Variants in ATP1B4 observed in about 807,000 individuals in gnomAD.
The protein encoded by ATP1B4 is ATPase Na+/K+ transporting family member beta 4, also known as protein ATP1B4.
In ATP1B4, 32 loss-of-function variants were observed where a neutral mutation model predicts 29.6. The observed-to-expected ratio is 1.08, with a 90% CI of 0.82 to 1.45. The LOEUF is 1.45. ATP1B4 is among the 40% of genes most tolerant of loss of function. ATP1B4 has a pLI of 0.00. For synonymous variants in ATP1B4, 127 were observed against 102.1 expected (o/e 1.24, Z -1.47); for missense variants, 323 against 276.2 (o/e 1.17, Z -1.20).
Position 120,381,115 on chromosome X carries a change from A to G in ATP1B4, c.*1481A>G, listed in dbSNP as rs1474424248. ...CAAGCAAGTGGAGAAGTTATACGAT[A>G]TAGTTTAATGAGAGTTAAAAAACTA... On this transcript the variant is annotated 3_prime_UTR_variant, in exon 8 of 8. Transcript: ENST00000218008. The G allele has an allele frequency of 8.9e-6, 1 of 112,609 alleles. No individual in the cohort carries two copies. Among genetic ancestry groups the G allele is most frequent in the African/African-American group, 3.2e-5 (1 of 30,943 alleles). The allele number at this position is 112,609 out of a possible 1,213,427, so 9.3% of individuals were successfully genotyped here.
chrX:120,379,642 A>G lies in ATP1B4; in HGVS notation c.*8A>G, dbSNP rs1298854572. 1 of 1,199,473 alleles carries G rather than the reference A, an allele frequency of 8.3e-7. No individual in the cohort carries two copies. Among genetic ancestry groups the G allele is most frequent in the Admixed American group, 2.3e-5 (1 of 44,418 alleles). On this transcript the variant is annotated 3_prime_UTR_variant, in exon 8 of 8. Coordinates refer to ENST00000218008, the MANE Select transcript of ATP1B4 (RefSeq NM_001142447.3). ...CTGAACATAGAAACTTAAGAACTTC[A>G]GGGGGCCATTCTTACCAGTTCTGTT...
chrX:120,364,014 G>C (rs1464551709), intron 1 of ATP1B4, among the ~76,000 whole-genome samples: 2 of 111,240 alleles, frequency 1.8e-5, no homozygotes, highest in African/African-American at 6.5e-5. Context: ...CTAAAGTAAA[G>C]CTCAGGAACC....
chrX:120,373,697 T>A (rs1438231091), intron 4 of ATP1B4, among the ~76,000 whole-genome samples: 1 of 112,314 alleles, frequency 8.9e-6, no homozygotes, highest in East Asian at 2.8e-4. Context: ...TATGTATCCT[T>A]GGACACATGT....
Position 120,375,571 on chromosome X carries a change from A to G in ATP1B4, c.759+3A>G. 1.7e-6 allele frequency: 2 copies of G among 1,199,661 alleles called. No homozygotes were observed. Among genetic ancestry groups the G allele is most frequent in the Non-Finnish European group, 2.3e-6 (2 of 888,746 alleles). ...GCATCCTTCTAAAGATGAACCGGGT[A>G]TATTGGCTTTTCATATCTGGTGGTG... On this transcript the variant is annotated splice_donor_region_variant and intron_variant, in intron 5 of 7. Transcript: ENST00000218008.
Position 120,379,174 on chromosome X carries a change from A to C in ATP1B4, c.913-299A>C, listed in dbSNP as rs777209677. ...AGTCCCCAACACAGGGACTCGATAGACACTAGTTTTGGTTTAATTCATGGT... is the reference window on the plus strand; with the variant it reads ...AGTCCCCAACACAGGGACTCGATAGCCACTAGTTTTGGTTTAATTCATGGT... On this transcript the variant is annotated intron_variant, in intron 7 of 7. Coordinates refer to ENST00000218008, the MANE Select transcript of ATP1B4 (RefSeq NM_001142447.3). Among the ~76,000 whole-genome samples the C allele has an allele frequency of 2.7e-5, 3 of 111,400 alleles. No homozygotes were observed. The South Asian group carries it at 1.1e-3, about 43-fold the overall frequency.
intron 3 of ATP1B4, 43 bp from the exon 4 acceptor site, chrX:120,371,063 C>T (rs2058310709): frequency 1.8e-6 from 2 of 1,130,679 alleles, no homozygotes; most frequent in South Asian, 1.8e-5. Context: ...AAAAATTATC[C>T]CAAGAATGGG....
chrX:120,370,172 T>C (rs1364864114), intron 2 of ATP1B4, among the ~76,000 whole-genome samples: 2 of 111,937 alleles, frequency 1.8e-5, no homozygotes, highest in Non-Finnish European at 3.8e-5. Flanking sequence ...TCATCTTTGC[T>C]AAAGATGAAT....
intron 4 of ATP1B4, among the ~76,000 whole-genome samples, chrX:120,374,725 A>ATATAT (rs1289168723): frequency 1.4e-5 from 1 of 70,478 alleles, no homozygotes; most frequent in South Asian, 5.9e-4. Context: ...TATATAATAT[A>ATATAT]TATATTATAT....
intron 1 of ATP1B4, among the ~76,000 whole-genome samples, chrX:120,365,300 G>A (rs927545957): frequency 8.9e-6 from 1 of 112,235 alleles, no homozygotes; most frequent in African/African-American, 3.2e-5. Flanking sequence ...ATTCAAGAGG[G>A]CTTATAATCA....
At chrX:120,378,060 T>C (rs1031523676) in intron 6 of ATP1B4, among the ~76,000 whole-genome samples, 7 of 110,876 alleles carry the variant, frequency 6.3e-5, no homozygotes, top group African/African-American at 2.3e-4. Flanking sequence ...ACCCAGGCTC[T>C]TGTTGCTTAC....
At chrX:120,362,486 A>G (rs758869738) in intron 1 of ATP1B4, among the ~76,000 whole-genome samples, 2 of 112,005 alleles carry the variant, frequency 1.8e-5, no homozygotes, top group South Asian at 7.5e-4. Flanking sequence ...ATAACAGAGA[A>G]TAAGTGGCTT....
intron 2 of ATP1B4, 123 bp from the exon 3 acceptor site, chrX:120,370,592 T>C (rs1351184212): frequency 1.1e-6 from 1 of 890,314 alleles, no homozygotes; most frequent in Non-Finnish European, 1.6e-6. Context: ...AAGGACATAC[T>C]GAATCTGAGG....
chrX:120,367,452 C>T (rs1255099965), intron 2 of ATP1B4, among the ~76,000 whole-genome samples: 1 of 111,696 alleles, frequency 9.0e-6, no homozygotes, highest in East Asian at 2.8e-4. Context: ...CTCTTTGCAT[C>T]ACATGCTGCC....
intron 7 of ATP1B4, 85 bp from the exon 8 acceptor site, chrX:120,379,388 A>T: frequency 5.5e-6 from 5 of 915,043 alleles, no homozygotes; most frequent in Non-Finnish European, 7.6e-6. Context: ...TCTCTTTGTG[A>T]GGGTTGTCAT....
chrX:120,379,250 G>A (rs1446258539), intron 7 of ATP1B4, among the ~76,000 whole-genome samples: 2 of 111,839 alleles, frequency 1.8e-5, no homozygotes, highest in Non-Finnish European at 3.8e-5. Flanking sequence ...GTTTTTCCCA[G>A]AGGACAATCA....
At chrX:120,375,945 T>TA (rs971826981) in intron 5 of ATP1B4, among the ~76,000 whole-genome samples, 1 of 111,441 alleles carries the variant, frequency 9.0e-6, no homozygotes, top group Admixed American at 9.6e-5. Flanking sequence ...TTTAATTTTT[T>TA]AAAAAAGTAT....
At chrX:120,365,318 G>T (rs1194188922) in intron 1 of ATP1B4, among the ~76,000 whole-genome samples, 1 of 112,480 alleles carries the variant, frequency 8.9e-6, no homozygotes, top group Non-Finnish European at 1.9e-5. Context: ...TCAAGAGCTA[G>T]ATAGTGCTGT....
Position 120,371,214 on chromosome X carries a change from A to C in ATP1B4, c.562+4A>C. ...AGCCTAAATGGCTTTCTCCAGGGTA[A>C]GTAAGTTCGTCTGAATAGTGGAAAG... On this transcript the variant is annotated splice_donor_region_variant and intron_variant, in intron 4 of 7. Transcript: ENST00000218008. 2 of 1,186,129 alleles carry C rather than the reference A, an allele frequency of 1.7e-6. No individual in the cohort carries two copies. Among genetic ancestry groups the C allele is most frequent in the Non-Finnish European group, 2.3e-6 (2 of 872,307 alleles).
intron 7 of ATP1B4, 147 bp downstream of exon 7, chrX:120,378,920 C>T (rs1231015908): frequency 2.3e-5 from 11 of 468,723 alleles, no homozygotes; most frequent in Non-Finnish European, 4.0e-5. Flanking sequence ...TTTACCAATT[C>T]TTATCACAAC....
Sources: allele counts gnomAD v4.1 joint callset (sites outside exome capture counted in the v4.1 genomes callset), GRCh38; gene constraint gnomAD v4.1.1; transcripts MANE v1.5; gene names NCBI Gene and HGNC (gene_info 2026-07-23, HGNC 2026-07-21).